SBF2: variants seen among roughly 807,000 people sequenced by gnomAD.
SBF2 encodes SET binding factor 2.
A neutral mutation model predicts 225.2 loss-of-function variants in SBF2; 112 were observed. That is an observed-to-expected ratio of 0.50 (90% CI 0.43 to 0.58). SBF2 has a LOEUF of 0.58. SBF2 is among the 20% of genes least tolerant of loss of function. The pLI is 0.00. For missense variants in SBF2, 1,996 were observed against 2,206.2 expected (o/e 0.90, Z 1.91); for synonymous variants, 763 against 773.3 (o/e 0.99, Z 0.22).
chr11:10,277,140 A>T (rs1376400655), intron 1 of SBF2, among the ~76,000 whole-genome samples: 1 of 150,068 alleles, frequency 6.7e-6, no homozygotes, highest in Non-Finnish European at 1.5e-5. Flanking sequence ...CTCAAAAAAA[A>T]AAAAAAAAAA....
At chr11:10,194,929 T>C (rs1194070524) in intron 1 of SBF2, among the ~76,000 whole-genome samples, 1 of 152,194 alleles carries the variant, frequency 6.6e-6, no homozygotes. Context: ...AATAAGGAAA[T>C]TAATCCCAAA....
chr11:10,056,673 A>C (rs1339951187), intron 2 of SBF2, among the ~76,000 whole-genome samples: 3 of 152,232 alleles, frequency 2.0e-5, no homozygotes, highest in Non-Finnish European at 4.4e-5. Context: ...GCTTTACATG[A>C]GTGGGTAATC....
chr11:9,952,907 C>T (rs1865940799), intron 16 of SBF2, among the ~76,000 whole-genome samples: 1 of 152,090 alleles, frequency 6.6e-6, no homozygotes. Flanking sequence ...ATGCGGTGAA[C>T]AGGGAACACT....
At chr11:9,807,771 C>G in intron 32 of SBF2, 1 of 578,504 alleles carries the variant, frequency 1.7e-6, no homozygotes, top group South Asian at 2.0e-5. Flanking sequence ...GGCTACTTCA[C>G]TTGGGGCAAG....
chr11:9,830,176 A>C (rs1482014933), intron 27 of SBF2, among the ~76,000 whole-genome samples: 1 of 152,234 alleles, frequency 6.6e-6, no homozygotes, highest in Non-Finnish European at 1.5e-5. Context: ...AAACAGAATC[A>C]CTGAAATCGG....
chr11:10,023,048 G>A (rs939582736), intron 6 of SBF2, among the ~76,000 whole-genome samples: 2 of 152,068 alleles, frequency 1.3e-5, no homozygotes, highest in African/African-American at 4.8e-5. Context: ...ATTGAGGATT[G>A]CAAAATGATA....
At chr11:9,846,895 TAATATC>T in intron 23 of SBF2, 55 bp downstream of exon 23, 5 of 1,588,992 alleles carry the variant, frequency 3.1e-6, no homozygotes, top group Non-Finnish European at 4.3e-6. Flanking sequence ...AAAATGGCCA[TAATATC>T]ATTTGACTTT....
intron 16 of SBF2, chr11:9,928,936 T>C (rs1197248537): frequency 6.9e-6 from 3 of 433,944 alleles, no homozygotes; most frequent in South Asian, 3.7e-5. Flanking sequence ...GCAATTTTCT[T>C]GTTCGAGTTC....
At chr11:10,076,337 G>C (rs953508815) in intron 2 of SBF2, among the ~76,000 whole-genome samples, 3 of 152,298 alleles carry the variant, frequency 2.0e-5, no homozygotes, top group East Asian at 3.9e-4. Flanking sequence ...AACTAAGGGG[G>C]CTGCACGAAA....
chr11:10,293,970 CG>C (rs1964347126), intron 1 of SBF2, 44 bp downstream of exon 1: 10 of 1,274,930 alleles, frequency 7.8e-6, no homozygotes, highest in African/African-American at 3.1e-5. Flanking sequence ...GGACAGCGGC[CG>C]GGGGGCGGGG....
chr11:9,926,127 G>C (rs942046751), intron 16 of SBF2, among the ~76,000 whole-genome samples: 1 of 152,148 alleles, frequency 6.6e-6, no homozygotes, highest in Non-Finnish European at 1.5e-5. Context: ...TCTGGCTTAA[G>C]TTGTACTTAT....
intron 16 of SBF2, among the ~76,000 whole-genome samples, chr11:9,902,353 T>C (rs940349879): frequency 3.9e-5 from 6 of 152,194 alleles, no homozygotes; most frequent in African/African-American, 1.4e-4. Context: ...ACTCTTTCAA[T>C]CAGTAGCCAA....
chr11:9,850,071 G>A lies in SBF2; in HGVS notation c.2758C>T (p.Leu920Phe). 1 of 1,614,122 alleles carries A rather than the reference G, an allele frequency of 6.2e-7. No homozygotes were observed. Among genetic ancestry groups the A allele is most frequent in the Non-Finnish European group, 8.5e-7 (1 of 1,180,006 alleles). Reference sequence around the variant, plus strand: ...CTGAAGAGAATTCTGTATGTGGTGAGGAACAAGGCTCCTTCTGCTGGCAGG... The same window carrying A: ...CTGAAGAGAATTCTGTATGTGGTGAAGAACAAGGCTCCTTCTGCTGGCAGG... Reference protein sequence around the residue: ...QLLPAEGALFLTTYRILFRGT... With the variant: ...QLLPAEGALFFTTYRILFRGT... The change falls in exon 22 of 40, where the codon CTC becomes TTC. Residue 920 changes from leucine to phenylalanine, a missense_variant. Coordinates refer to ENST00000256190, the MANE Select transcript of SBF2 (RefSeq NM_030962.4).
chr11:10,065,725 G>T (rs1392499104), intron 2 of SBF2, among the ~76,000 whole-genome samples: 5 of 152,176 alleles, frequency 3.3e-5, no homozygotes, highest in Admixed American at 6.6e-5. Context: ...GCCAAGGCAG[G>T]TGGATCACTT....
intron 1 of SBF2, among the ~76,000 whole-genome samples, chr11:10,227,929 G>A (rs868209573): frequency 0.014 from 2,189 of 151,130 alleles, 51 homozygotes; most frequent in African/African-American, 0.048. Context: ...CCATTTTCAC[G>A]ATATTGATTC....
rs1250903394 is a variant in SBF2, at chr11:9,845,643, C to T, written c.3032G>A (p.Ser1011Asn). Residue 1011 changes from serine (S) to asparagine (N), a missense_variant, in exon 24 of 40, where the codon AGT (serine) becomes AAT (asparagine). By Grantham distance (46) the Ser-to-Asn change is conservative. Transcript: ENST00000256190. ...MKFRYPQSIFSTFAFAAGQTT... is the reference protein window; with the variant it reads ...MKFRYPQSIFNTFAFAAGQTT... ...TTGTCCAGCAGCAAAAGCAAAGGTA[C>T]TGAAAATGGACTGAGGATAACGGAA... The T allele has an allele frequency of 2.5e-6, 4 of 1,613,794 alleles. No individual in the cohort carries two copies. The highest frequency in any genetic ancestry group is 2.2e-5 in the South Asian group (2 of 91,078).
chr11:9,965,854 A>G (rs1056135688), intron 14 of SBF2, among the ~76,000 whole-genome samples: 6 of 152,194 alleles, frequency 3.9e-5, no homozygotes, highest in Non-Finnish European at 8.8e-5. Flanking sequence ...TTTCTCTCTG[A>G]AATGCTCATT....
At chr11:10,130,791 A>G (rs1317399352) in intron 2 of SBF2, among the ~76,000 whole-genome samples, 1 of 152,172 alleles carries the variant, frequency 6.6e-6, no homozygotes, top group Non-Finnish European at 1.5e-5. Context: ...ATCGTACAGT[A>G]TGTGTCTTTT....
chr11:9,795,991 TCAAA>T, intron 32 of SBF2, 34 bp from the exon 33 acceptor site: 1 of 1,608,082 alleles, frequency 6.2e-7, no homozygotes, highest in African/African-American at 1.3e-5. Context: ...AGAGTAAGAA[TCAAA>T]CAGAACAAAA....
Sources: allele counts gnomAD v4.1 joint callset (sites outside exome capture counted in the v4.1 genomes callset), GRCh38; gene constraint gnomAD v4.1.1; transcripts MANE v1.5; gene names NCBI Gene and HGNC (gene_info 2026-07-23, HGNC 2026-07-21).